Variants in HEG1 observed in about 807,000 individuals in gnomAD.
The protein encoded by HEG1 is protein HEG homolog 1.
A neutral mutation model predicts 125.6 loss-of-function variants in HEG1; 56 were observed. That is an observed-to-expected ratio of 0.45 (90% CI 0.36 to 0.56). The LOEUF is 0.56. Among genes scored for constraint, HEG1 ranks in the 20% least tolerant of loss-of-function variants. The pLI, the probability that HEG1 is intolerant of heterozygous loss-of-function variation, is 0.00. For missense variants in HEG1, 1,523 were observed against 1,670.0 expected, an observed-to-expected ratio of 0.91 and a Z score of 1.53; for synonymous variants, 644 against 668.5, an observed-to-expected ratio of 0.96 and a Z score of 0.57.
intron 1 of HEG1, among the ~76,000 whole-genome samples, chr3:125,055,322 A>T (rs1278027666): frequency 2.0e-5 from 3 of 152,092 alleles, no homozygotes; most frequent in Non-Finnish European, 2.9e-5. Context: ...GAAGAGATAC[A>T]GGGTACCCCA....
intron 12 of HEG1, among the ~76,000 whole-genome samples, chr3:124,994,523 G>T (rs201404539): frequency 0.063 from 8,246 of 130,532 alleles, 250 homozygotes; most frequent in East Asian, 0.13. Context: ...TTTTTTTTTT[G>T]GAGACGGAGT....
intron 11 of HEG1, among the ~76,000 whole-genome samples, chr3:124,998,460 T>TC: frequency 6.6e-6 from 1 of 152,266 alleles, no homozygotes; most frequent in African/African-American, 2.4e-5. Flanking sequence ...TCAGGCAGTT[T>TC]CCCCCACTCC....
At chr3:125,029,678 T>C (rs537152533) in intron 1 of HEG1, among the ~76,000 whole-genome samples, 190 bp from the exon 2 acceptor site, 34 of 152,160 alleles carry the variant, frequency 2.2e-4, no homozygotes, top group Non-Finnish European at 4.4e-4. Context: ...TCACCTGAGG[T>C]CAGGAGTTCG....
chr3:125,033,530 G>A (rs1579431667), intron 1 of HEG1, among the ~76,000 whole-genome samples: 1 of 152,174 alleles, frequency 6.6e-6, no homozygotes, highest in Non-Finnish European at 1.5e-5. Context: ...TCTCACCCGA[G>A]TATATATAAT....
chr3:124,978,990 G>A (rs914723017), intron 14 of HEG1, among the ~76,000 whole-genome samples: 1 of 142,154 alleles, frequency 7.0e-6, no homozygotes, highest in African/African-American at 2.6e-5. Context: ...TGCTCTTGTT[G>A]CCCAGTCTGG....
intron 5 of HEG1, among the ~76,000 whole-genome samples, chr3:125,017,335 G>A (rs765062927): frequency 1.2e-4 from 19 of 152,176 alleles, no homozygotes; most frequent in East Asian, 3.9e-4. Context: ...GATTACAGGC[G>A]TAAGCCACCA....
chr3:125,015,802 C>A (rs61171818), intron 5 of HEG1, among the ~76,000 whole-genome samples: 62,978 of 147,382 alleles, frequency 0.43, 14,088 homozygotes, highest in Middle Eastern at 0.6. Flanking sequence ...AAAAAAAAAC[C>A]CAAAAAACAA....
At chr3:124,993,442 TG>T (rs1364285877) in intron 12 of HEG1, among the ~76,000 whole-genome samples, 1 of 152,158 alleles carries the variant, frequency 6.6e-6, no homozygotes, top group Non-Finnish European at 1.5e-5. Context: ...CTCACTCAGG[TG>T]GGGCCTTCTC....
chr3:125,019,573 C>T lies in HEG1; in HGVS notation c.1277G>A (p.Ser426Asn). Residue 426 changes from serine to asparagine, a missense_variant, in exon 5 of 17, where the codon AGC (serine) becomes AAC (asparagine). Physicochemically the swap from Ser to Asn is conservative, Grantham distance 46. Transcript: ENST00000311127. Reference protein sequence around the residue: ...SPTFGEHQLASSSEVQNGSPM... With the variant: ...SPTFGEHQLANSSEVQNGSPM... ...ACTTCCATTTTGCACCTCAGAGCTG[C>T]TGGCAAGCTGATGTTCTCCAAAGGC... 6.2e-7 allele frequency: 1 copy of T among 1,604,868 alleles called. No homozygotes were observed. The highest frequency in any genetic ancestry group is 1.7e-4 in the Middle Eastern group (1 of 6,034).
chr3:125,040,840 C>T (rs1411149111), intron 1 of HEG1, among the ~76,000 whole-genome samples: 1 of 152,022 alleles, frequency 6.6e-6, no homozygotes. Flanking sequence ...ATCTGTGCTT[C>T]TCTTCCCACA....
At chr3:125,023,358 G>C (rs1937365195) in intron 3 of HEG1, among the ~76,000 whole-genome samples, 1 of 152,172 alleles carries the variant, frequency 6.6e-6, no homozygotes, top group Non-Finnish European at 1.5e-5. Context: ...AATGCTGAAA[G>C]TCATGAAAGG....
intron 14 of HEG1, among the ~76,000 whole-genome samples, chr3:124,987,952 C>CACACACATATAT: frequency 1.8e-5 from 1 of 54,704 alleles, no homozygotes; most frequent in Admixed American, 2.2e-4. Context: ...CACACACACA[C>CACACACATATAT]ATATATATAT....
chr3:124,990,828 C>T lies in HEG1; in HGVS notation c.3696-4G>A. On this transcript the variant is annotated splice_polypyrimidine_tract_variant and splice_region_variant and intron_variant, in intron 13 of 16. Transcript: ENST00000311127. ...ACCACCAAGGCCAAATGGGCAACTG[C>T]AAGCCAAGAAAGAAAAAAGGGCAAG... The T allele has an allele frequency of 6.4e-7, 1 of 1,562,856 alleles. No individual in the cohort carries two copies. The highest frequency in any genetic ancestry group is 1.7e-4 in the Middle Eastern group (1 of 6,000).
Position 124,969,994 on chromosome 3 carries a change from T to C in HEG1, c.*658A>G, listed in dbSNP as rs1417085539. ...GTGTCACCTTGACTTAAAAAACACATTGCAGTTGTGTGCGGTGCCTCACAC... is the reference window on the plus strand; with the variant it reads ...GTGTCACCTTGACTTAAAAAACACACTGCAGTTGTGTGCGGTGCCTCACAC... On this transcript the variant is annotated 3_prime_UTR_variant, in exon 17 of 17. Transcript: ENST00000311127. 2.6e-5 allele frequency: 4 copies of C among 152,190 alleles called. No individual in the cohort carries two copies. The highest frequency in any genetic ancestry group is 4.8e-5 in the African/African-American group (2 of 41,432). 9.4% of individuals were successfully genotyped at this position (152,190 alleles called of 1,614,324 possible). A position where few individuals can be genotyped will look rare whatever the true frequency, so the allele number is the denominator to read the frequency against.
chr3:124,974,664 C>T (rs536050327), intron 15 of HEG1, among the ~76,000 whole-genome samples: 34 of 152,336 alleles, frequency 2.2e-4, no homozygotes, highest in African/African-American at 7.9e-4. Flanking sequence ...GTGTTCTTCA[C>T]CTATCTAACC....
chr3:125,005,114 G>C (rs1379514492), intron 9 of HEG1, 151 bp downstream of exon 9: 4 of 608,090 alleles, frequency 6.6e-6, no homozygotes, highest in South Asian at 6.0e-5. Context: ...TTTCTGAAAG[G>C]CTTTTTCTTT....
chr3:125,054,293 T>G (rs1272893941), intron 1 of HEG1, among the ~76,000 whole-genome samples: 4 of 152,262 alleles, frequency 2.6e-5, no homozygotes, highest in African/African-American at 9.6e-5. Flanking sequence ...CCTCTCCCTT[T>G]TCTTACTGTT....
rs761626154 is a variant in HEG1 at position 125,023,716 on chromosome 3, A to G, written c.914-2586T>C. 2.4e-4 allele frequency among the ~76,000 whole-genome samples: 37 copies of G among 152,350 alleles called. 1 individual carries two copies. The South Asian group carries it at 2.7e-3, about 11-fold the overall frequency. ...CAACAGGCTGGATTCTTGGTTATTTAATAATTGCCCTTCTTGCTCATTTCT... is the reference window on the plus strand; with the variant it reads ...CAACAGGCTGGATTCTTGGTTATTTGATAATTGCCCTTCTTGCTCATTTCT... On this transcript the variant is annotated intron_variant, in intron 3 of 16. Transcript: ENST00000311127.
At chr3:124,985,180 A>G (rs1257135415) in intron 14 of HEG1, among the ~76,000 whole-genome samples, 1 of 152,070 alleles carries the variant, frequency 6.6e-6, no homozygotes, top group East Asian at 1.9e-4. Context: ...TGGAGTGGGG[A>G]GCCCGAAGTT....
Sources: allele counts gnomAD v4.1 joint callset (sites outside exome capture counted in the v4.1 genomes callset), GRCh38; gene constraint gnomAD v4.1.1; transcripts MANE v1.5; gene names NCBI Gene and HGNC (gene_info 2026-07-23, HGNC 2026-07-21).